Variants in NRG3 observed in about 807,000 individuals in gnomAD.
NRG3 encodes neuregulin 3.
A neutral mutation model predicts 66.9 loss-of-function variants in NRG3; 31 were observed. That is an observed-to-expected ratio of 0.46 (90% CI 0.35 to 0.63). The LOEUF is 0.63. Ranked by LOEUF, NRG3 falls within the 20% of genes least tolerant of loss-of-function variation. The probability of loss-of-function intolerance (pLI) is 0.00; values close to 1 mark genes in which losing one functional copy is unlikely to be tolerated. For missense variants in NRG3, 910 were observed against 878.9 expected (o/e 1.04, Z -0.45); for synonymous variants, 393 against 359.4 (o/e 1.09, Z -1.06).
At chr10:82,017,367 G>A (rs11819408) in intron 1 of NRG3, among the ~76,000 whole-genome samples, 8 of 152,064 alleles carry the variant, frequency 5.3e-5, no homozygotes, top group Admixed American at 2.0e-4. Context: ...GTTCCAAGTC[G>A]TTGCTATTTT....
chr10:82,761,999 T>C (rs2059345740), intron 3 of NRG3, among the ~76,000 whole-genome samples: 1 of 149,766 alleles, frequency 6.7e-6, no homozygotes, highest in African/African-American at 2.5e-5. Flanking sequence ...TTTCTTTTCC[T>C]TTCTCTCTTT....
At chr10:82,759,917 G>C (rs941593885) in intron 3 of NRG3, among the ~76,000 whole-genome samples, 1 of 152,104 alleles carries the variant, frequency 6.6e-6, no homozygotes, top group African/African-American at 2.4e-5. Flanking sequence ...GACACACAAA[G>C]AGGAAACTCT....
intron 1 of NRG3, among the ~76,000 whole-genome samples, chr10:82,017,859 A>T (rs1427939159): frequency 6.7e-6 from 1 of 149,046 alleles, no homozygotes; most frequent in Admixed American, 6.7e-5. Context: ...AGATGAGTAG[A>T]TTGCAAAAAT....
At chr10:82,709,363 TTTG>T (rs1174692298) in intron 2 of NRG3, among the ~76,000 whole-genome samples, 9 of 148,602 alleles carry the variant, frequency 6.1e-5, no homozygotes, top group African/African-American at 2.3e-4. Flanking sequence ...CTGGTTTTTT[TTTG>T]TTTTTGTTTT....
At chr10:82,495,050 C>T (rs796467866) in intron 2 of NRG3, among the ~76,000 whole-genome samples, 37 of 152,132 alleles carry the variant, frequency 2.4e-4, no homozygotes, top group African/African-American at 8.7e-4. Context: ...AAGCAATTCT[C>T]CTGCCTCAGC....
At chr10:82,386,744 T>C (rs934873219) in intron 2 of NRG3, among the ~76,000 whole-genome samples, 5 of 152,186 alleles carry the variant, frequency 3.3e-5, no homozygotes, top group Non-Finnish European at 7.4e-5. Flanking sequence ...GCTGTTATTC[T>C]AAACACAGGA....
chr10:82,786,977 G>A (rs1003279206), intron 3 of NRG3, among the ~76,000 whole-genome samples: 2 of 152,024 alleles, frequency 1.3e-5, no homozygotes, highest in Non-Finnish European at 1.5e-5. Flanking sequence ...CTTGACCTTC[G>A]ACTTTATAGC....
chr10:82,090,108 G>A (rs2065940553), intron 1 of NRG3, among the ~76,000 whole-genome samples: 1 of 152,194 alleles, frequency 6.6e-6, no homozygotes, highest in Non-Finnish European at 1.5e-5. Flanking sequence ...GTACAGTCCT[G>A]TAACAGGCAT....
At chr10:82,905,338 C>G (rs1844628666) in intron 4 of NRG3, among the ~76,000 whole-genome samples, 4 of 152,138 alleles carry the variant, frequency 2.6e-5, no homozygotes. Context: ...TAGGCATTTT[C>G]TCCAAAGCCT....
intron 2 of NRG3, among the ~76,000 whole-genome samples, chr10:82,436,865 C>G (rs2090167215): frequency 6.6e-6 from 1 of 152,152 alleles, no homozygotes; most frequent in African/African-American, 2.4e-5. Flanking sequence ...ATATTGGCCC[C>G]CAATCTCTTC....
In NRG3 at chr10:82,066,837, A is replaced by T. The variant is rs117838153; in HGVS notation, c.823+190674A>T. Among the ~76,000 whole-genome samples the T allele has an allele frequency of 2.4e-3, 368 of 151,986 alleles. 3 individuals carry two copies. In the East Asian group the frequency reaches 0.05, roughly 21 times the overall value. On this transcript the variant is annotated intron_variant, in intron 1 of 8. Transcript: ENST00000372141. The stretch of plus-strand genomic sequence containing the variant: ...AGACCTATTCTTTTTTTTTTGAGTC[A>T]TGATTAATGAATCCTATCATACTGG...
At chr10:81,993,577 C>G (rs147447360) in intron 1 of NRG3, among the ~76,000 whole-genome samples, 5 of 152,016 alleles carry the variant, frequency 3.3e-5, no homozygotes, top group African/African-American at 1.2e-4. Context: ...GAACTCCTGG[C>G]CTCAACTGAT....
At chr10:82,707,011 T>A (rs1009185801) in intron 2 of NRG3, among the ~76,000 whole-genome samples, 11 of 108,116 alleles carry the variant, frequency 1.0e-4, no homozygotes, top group Admixed American at 9.1e-4. Flanking sequence ...AAAAATAAAA[T>A]AAAATAAATA....
chr10:82,284,364 A>G (rs1190419063), intron 1 of NRG3, among the ~76,000 whole-genome samples: 1 of 152,244 alleles, frequency 6.6e-6, no homozygotes, highest in Admixed American at 6.5e-5. Flanking sequence ...TTATGGGTCT[A>G]TATCAAAAGC....
At chr10:81,918,539 G>A (rs58826043) in intron 1 of NRG3, among the ~76,000 whole-genome samples, 10 of 152,102 alleles carry the variant, frequency 6.6e-5, no homozygotes, top group African/African-American at 2.2e-4. Flanking sequence ...ATTTATAAAT[G>A]ATATTTTATA....
At chr10:82,378,528 A>G (rs2085407310) in intron 2 of NRG3, among the ~76,000 whole-genome samples, 2 of 150,750 alleles carry the variant, frequency 1.3e-5, no homozygotes, top group Non-Finnish European at 3.0e-5. Flanking sequence ...CCTTCCCTCC[A>G]TTCCTCCCTC....
intron 2 of NRG3, among the ~76,000 whole-genome samples, chr10:82,504,245 G>A (rs1295511647): frequency 6.6e-6 from 1 of 152,160 alleles, no homozygotes; most frequent in Non-Finnish European, 1.5e-5. Flanking sequence ...TCTTGTGTTT[G>A]CAGCCTGAAT....
At chr10:82,272,250 T>TA (rs2078635205) in intron 1 of NRG3, among the ~76,000 whole-genome samples, 1 of 152,010 alleles carries the variant, frequency 6.6e-6, no homozygotes, top group Non-Finnish European at 1.5e-5. Flanking sequence ...CTGAGTCCTC[T>TA]AAGCAGCGAG....
intron 2 of NRG3, among the ~76,000 whole-genome samples, chr10:82,682,995 G>A (rs1411733591): frequency 1.7e-5 from 2 of 117,264 alleles, no homozygotes; most frequent in African/African-American, 6.6e-5. Flanking sequence ...GTCTCACTCT[G>A]TCGCCCAGGC....
Sources: allele counts gnomAD v4.1 joint callset (sites outside exome capture counted in the v4.1 genomes callset), GRCh38; gene constraint gnomAD v4.1.1; transcripts MANE v1.5; gene names NCBI Gene and HGNC (gene_info 2026-07-23, HGNC 2026-07-21).